Variants in MAP3K5 observed in about 807,000 individuals in gnomAD.
MAP3K5 encodes the protein mitogen-activated protein kinase kinase kinase 5.
MAP3K5 carries 56 observed loss-of-function variants against 158.7 expected under a neutral mutation model. The observed-to-expected ratio is 0.35, with a 90% CI of 0.28 to 0.44. The LOEUF (loss-of-function observed/expected upper bound fraction) is 0.44. Among genes scored for constraint, MAP3K5 ranks in the 20% least tolerant of loss-of-function variants. The probability of loss-of-function intolerance (pLI) is 1.00; values close to 1 mark genes in which losing one functional copy is unlikely to be tolerated. For synonymous variants in MAP3K5, 579 were observed against 601.7 expected (o/e 0.96, Z 0.55); for missense variants, 1,294 against 1,674.8 (o/e 0.77, Z 3.97).
intron 2 of MAP3K5, among the ~76,000 whole-genome samples, chr6:136,711,755 G>A (rs937134463): frequency 1.3e-5 from 2 of 152,022 alleles, no homozygotes; most frequent in Non-Finnish European, 2.9e-5. Context: ...TGTCTGTCTC[G>A]TTGGGTTCTA....
chr6:136,610,072 G>A (rs1487363224), intron 18 of MAP3K5, among the ~76,000 whole-genome samples: 1 of 152,070 alleles, frequency 6.6e-6, no homozygotes, highest in Non-Finnish European at 1.5e-5. Context: ...GAATTGAGAT[G>A]GGGCCATGTT....
chr6:136,788,568 C>T (rs1784938536), intron 1 of MAP3K5, among the ~76,000 whole-genome samples: 1 of 152,060 alleles, frequency 6.6e-6, no homozygotes, highest in African/African-American at 2.4e-5. Context: ...CAACAAATAA[C>T]CCCGTTAAAA....
At chr6:136,704,729 A>G (rs1206333453) in intron 3 of MAP3K5, among the ~76,000 whole-genome samples, 1 of 152,064 alleles carries the variant, frequency 6.6e-6, no homozygotes, top group African/African-American at 2.4e-5. Flanking sequence ...TATTTTTAGT[A>G]GAGATGGGGT....
intron 28 of MAP3K5, among the ~76,000 whole-genome samples, chr6:136,560,434 G>A (rs1440049720): frequency 3.3e-5 from 5 of 152,096 alleles, no homozygotes; most frequent in East Asian, 1.9e-4. Flanking sequence ...AGCTGAGATC[G>A]CACCACAGCA....
chr6:136,629,932 A>G (rs1777258498), intron 14 of MAP3K5, among the ~76,000 whole-genome samples: 1 of 151,594 alleles, frequency 6.6e-6, no homozygotes, highest in African/African-American at 2.4e-5. Flanking sequence ...TTGTATTTTC[A>G]GTAGAGATGG....
At chr6:136,656,922 G>A (rs1265227834) in intron 9 of MAP3K5, among the ~76,000 whole-genome samples, 8 of 152,162 alleles carry the variant, frequency 5.3e-5, no homozygotes, top group Non-Finnish European at 1.2e-4. Flanking sequence ...ACGCCCAGCC[G>A]TGCTTTCACA....
chr6:136,673,227 G>A (rs1481742026), intron 7 of MAP3K5, among the ~76,000 whole-genome samples: 3 of 152,104 alleles, frequency 2.0e-5, no homozygotes, highest in South Asian at 2.1e-4. Flanking sequence ...GACCCAACCC[G>A]ACTCAACTGC....
intron 8 of MAP3K5, among the ~76,000 whole-genome samples, chr6:136,666,543 A>T (rs1404668282): frequency 1.3e-5 from 2 of 152,156 alleles, no homozygotes; most frequent in Non-Finnish European, 2.9e-5. Flanking sequence ...AAAGAATGAA[A>T]CTAGGTGTAT....
chr6:136,573,291 G>T (rs1226130669), intron 25 of MAP3K5, among the ~76,000 whole-genome samples: 1 of 152,198 alleles, frequency 6.6e-6, no homozygotes, highest in African/African-American at 2.4e-5. Flanking sequence ...GGATATCAGA[G>T]CTCTTGGTTC....
At chr6:136,605,509 G>C in intron 18 of MAP3K5, 143 bp from the exon 19 acceptor site, 1 of 661,704 alleles carries the variant, frequency 1.5e-6, no homozygotes, top group South Asian at 2.2e-5. Flanking sequence ...GTGAGTTCCA[G>C]TTTTCTCTGC....
At chr6:136,699,439 C>T (rs1780750453) in intron 3 of MAP3K5, among the ~76,000 whole-genome samples, 1 of 152,154 alleles carries the variant, frequency 6.6e-6, no homozygotes, top group African/African-American at 2.4e-5. Flanking sequence ...AGATCACTTC[C>T]CACAGCTGCT....
chr6:136,739,475 C>T (rs1782622505), intron 1 of MAP3K5, among the ~76,000 whole-genome samples: 1 of 152,230 alleles, frequency 6.6e-6, no homozygotes, highest in African/African-American at 2.4e-5. Flanking sequence ...ACTCCCACCC[C>T]AGGGTACTGT....
chr6:136,792,580 G>C (rs1292447132), upstream of MAP3K5: 1 of 170,204 alleles, frequency 5.9e-6, no homozygotes, highest in South Asian at 1.9e-4. This position sits in a 1 kb window ranked among gnomAD's most constrained non-coding sequence, Gnocchi z 5.7. Flanking sequence ...AGCTCCTTCC[G>C]TCCCGGCCGC....
intron 7 of MAP3K5, among the ~76,000 whole-genome samples, chr6:136,674,042 G>A (rs1034193546): frequency 1.3e-5 from 2 of 151,826 alleles, no homozygotes; most frequent in Admixed American, 1.3e-4. Context: ...TACTTTCAAA[G>A]GAGCAATAAA....
At chr6:136,621,026 T>C (rs1299765744) in intron 15 of MAP3K5, among the ~76,000 whole-genome samples, 1 of 152,190 alleles carries the variant, frequency 6.6e-6, no homozygotes, top group African/African-American at 2.4e-5. Flanking sequence ...GCAAAAGTAA[T>C]TGCGGTTTTT....
intron 25 of MAP3K5, among the ~76,000 whole-genome samples, chr6:136,575,662 A>G (rs1157853651): frequency 6.6e-6 from 1 of 151,914 alleles, no homozygotes; most frequent in Non-Finnish European, 1.5e-5. Context: ...TTTTTGTACA[A>G]TGTCTTTTAT....
chr6:136,696,761 T>A (rs779873347), intron 5 of MAP3K5, among the ~76,000 whole-genome samples: 7 of 152,242 alleles, frequency 4.6e-5, no homozygotes, highest in Non-Finnish European at 7.3e-5. Context: ...AAGTTATTTC[T>A]GTAGGTAATC....
rs147910364 is a variant in MAP3K5 at position 136,612,302 on chromosome 6, T to C, written c.2415+818A>G. ...CTGGTCAGTGGGCAACATGAACTCA[T>C]TGGATGGTTATAAGTTCTTCATAAT... On this transcript the variant is annotated intron_variant, in intron 17 of 29. Transcript: ENST00000359015. 7.3e-3 allele frequency among the ~76,000 whole-genome samples: 1,109 copies of C among 152,358 alleles called. 8 individuals carry two copies. The highest frequency in any genetic ancestry group is 0.025 in the African/African-American group (1,024 of 41,586).
chr6:136,685,441 G>A lies in MAP3K5; in HGVS notation c.1253+8699C>T, dbSNP rs576527880. Reference sequence around the variant, plus strand: ...TAGAGACTCTCTGTAGCACTAAAACGCTGCCATTTAGTACTTGAATCAGAT... The same window carrying A: ...TAGAGACTCTCTGTAGCACTAAAACACTGCCATTTAGTACTTGAATCAGAT... On this transcript the variant is annotated intron_variant, in intron 7 of 29. Transcript: ENST00000359015. Among the ~76,000 whole-genome samples, 26 of 152,182 alleles carry A rather than the reference G, an allele frequency of 1.7e-4. No homozygotes were observed. The South Asian group carries it at 3.9e-3, about 23-fold the overall frequency.
Sources: gnomAD v4.1 joint callset for allele counts (sites outside exome capture counted in the v4.1 genomes callset) on GRCh38, gnomAD v4.1.1 for gene constraint, Gnocchi (gnomAD v3.1) non-coding constraint, MANE v1.5 for transcripts, NCBI Gene and HGNC (gene_info 2026-07-23, HGNC 2026-07-21) for gene names.